The following NUDT9 variants were observed in gnomAD, a reference collection of about 807,000 sequenced individuals.
NUDT9 encodes nudix hydrolase 9, also known as ADP-ribose pyrophosphatase.
In NUDT9, 31 loss-of-function variants were observed where a neutral mutation model predicts 41.0. That is an observed-to-expected ratio of 0.76 (90% CI 0.57 to 1.02). The LOEUF (loss-of-function observed/expected upper bound fraction) is 1.02. NUDT9 is among the 50% of genes least tolerant of loss of function. NUDT9 has a pLI of 0.00. For missense variants in NUDT9, 380 were observed against 431.4 expected (o/e 0.88, Z 1.06); for synonymous variants, 146 against 147.6 (o/e 0.99, Z 0.08).
At chr4:87,443,213 G>T (rs1722290196) in intron 4 of NUDT9, among the ~76,000 whole-genome samples, 1 of 152,008 alleles carries the variant, frequency 6.6e-6, no homozygotes, top group Non-Finnish European at 1.5e-5. Flanking sequence ...TATGTGGTCT[G>T]TTATTGACCA....
chr4:87,427,154 A>G (rs1231697633), intron 1 of NUDT9, among the ~76,000 whole-genome samples: 1 of 149,564 alleles, frequency 6.7e-6, no homozygotes, highest in Non-Finnish European at 1.5e-5. Context: ...AAAAAAAAGT[A>G]CCTGAACTCA....
intron 3 of NUDT9, among the ~76,000 whole-genome samples, chr4:87,438,867 T>A (rs1002674694): frequency 7.2e-5 from 11 of 152,184 alleles, no homozygotes; most frequent in Non-Finnish European, 1.3e-4. Context: ...GTTCTCACAG[T>A]GCTATACAGA....
rs545313748 is a variant in NUDT9, at chr4:87,458,344, A to G, written c.*323A>G. Reference sequence around the variant, plus strand: ...AATAAAGATAAATTCTTGATCAGCTATAACTTCTGTTTCATCTAGTTCTTG... The same window carrying G: ...AATAAAGATAAATTCTTGATCAGCTGTAACTTCTGTTTCATCTAGTTCTTG... On this transcript the variant is annotated 3_prime_UTR_variant, in exon 8 of 8. Coordinates refer to ENST00000302174, the MANE Select transcript of NUDT9 (RefSeq NM_024047.5). 1.6e-5 allele frequency: 3 copies of G among 183,480 alleles called. No individual in the cohort carries two copies. The highest frequency in any genetic ancestry group is 4.7e-5 in the African/African-American group (2 of 42,690). 11.4% of individuals were successfully genotyped at this position (183,480 alleles called of 1,614,324 possible).
At chr4:87,440,710 G>A (rs1023000672) in intron 3 of NUDT9, among the ~76,000 whole-genome samples, 2 of 152,100 alleles carry the variant, frequency 1.3e-5, no homozygotes. Flanking sequence ...GCTGGGCGTG[G>A]TGGTGCATGC....
chr4:87,444,787 T>C (rs1462918460), intron 4 of NUDT9, among the ~76,000 whole-genome samples: 1 of 152,178 alleles, frequency 6.6e-6, no homozygotes, highest in Non-Finnish European at 1.5e-5. Flanking sequence ...TTTTTTAGCT[T>C]AACTTTGTCA....
intron 4 of NUDT9, among the ~76,000 whole-genome samples, chr4:87,442,566 T>A (rs1722249461): frequency 6.6e-6 from 1 of 152,236 alleles, no homozygotes; most frequent in Non-Finnish European, 1.5e-5. Flanking sequence ...CTTTATAAAC[T>A]TAAACATTTT....
chr4:87,446,235 T>C (rs1015596070), intron 4 of NUDT9, among the ~76,000 whole-genome samples: 21 of 148,040 alleles, frequency 1.4e-4, no homozygotes, highest in Admixed American at 1.1e-3. Context: ...ACCATTTGCC[T>C]TCTTATCTTT....
At chr4:87,432,670 G>A (rs1721737742) in intron 1 of NUDT9, among the ~76,000 whole-genome samples, 1 of 151,904 alleles carries the variant, frequency 6.6e-6, no homozygotes, top group Non-Finnish European at 1.5e-5. Flanking sequence ...TTATGTTGAG[G>A]TAATTTCCTT....
chr4:87,432,835 T>C (rs1227296689), intron 1 of NUDT9, among the ~76,000 whole-genome samples: 4 of 152,194 alleles, frequency 2.6e-5, no homozygotes, highest in Non-Finnish European at 4.4e-5. Context: ...AGAACCATCA[T>C]TGGATTCCAA....
chr4:87,450,380 T>TTTTC (rs1233876370), intron 5 of NUDT9, among the ~76,000 whole-genome samples: 1 of 42,678 alleles, frequency 2.3e-5, no homozygotes, highest in African/African-American at 8.1e-5. Context: ...TTCTTTTTCT[T>TTTTC]TTTTTTTTTT....
At chr4:87,449,587 A>G (rs1273426851) in intron 5 of NUDT9, among the ~76,000 whole-genome samples, 1 of 152,148 alleles carries the variant, frequency 6.6e-6, no homozygotes, top group Non-Finnish European at 1.5e-5. Flanking sequence ...TCTACTTCAC[A>G]GGATTATTAG....
At position 87,459,235 on chromosome 4, in the gene NUDT9, A is replaced by G. The variant is rs1723111592; in HGVS notation, c.*1214A>G. 6.6e-6 allele frequency: 1 copy of G among 152,244 alleles called. No individual in the cohort carries two copies. The highest frequency in any genetic ancestry group is 6.5e-5 in the Admixed American group (1 of 15,286). The allele number at this position is 152,244 out of a possible 1,614,324, so 9.4% of individuals were successfully genotyped here. ...ATGTTCTCTTATAAGTGAGAGCTAAATGGTGAGAACACATGGACATGGGAA... is the reference window on the plus strand; with the variant it reads ...ATGTTCTCTTATAAGTGAGAGCTAAGTGGTGAGAACACATGGACATGGGAA... On this transcript the variant is annotated 3_prime_UTR_variant, in exon 8 of 8. Transcript: ENST00000302174.
At chr4:87,429,931 A>G (rs1000707686) in intron 1 of NUDT9, among the ~76,000 whole-genome samples, 1 of 152,182 alleles carries the variant, frequency 6.6e-6, no homozygotes, top group Non-Finnish European at 1.5e-5. Context: ...TGGTAAGCAG[A>G]ATAATGGCCC....
In NUDT9 at chr4:87,449,207, T is replaced by C. The variant is rs758583515; in HGVS notation, c.596T>C (p.Phe199Ser). 3.7e-6 allele frequency: 6 copies of C among 1,611,440 alleles called. No individual in the cohort carries two copies. In the African/African-American group the frequency reaches 8.0e-5, roughly 22 times the overall value. The change falls in exon 5 of 8, where the codon TTT (phenylalanine) becomes TCT (serine). Residue 199 changes from phenylalanine (F) to serine (S), a missense_variant. Transcript: ENST00000302174. ...HPVSGKHILQ[F>S]VAIKRKDCGE... is the part of the protein sequence containing the mutation. ...GTTTCTGGGAAGCATATCTTACAAT[T>C]TGTTGCAATAAAAAGGAAAGACTGT... is the stretch of plus-strand genomic sequence containing the variant.
chr4:87,427,657 TC>T (rs1560786585), intron 1 of NUDT9, among the ~76,000 whole-genome samples: 1 of 152,200 alleles, frequency 6.6e-6, no homozygotes, highest in Non-Finnish European at 1.5e-5. Flanking sequence ...TATTGCTAAA[TC>T]AGGGAACAAA....
At chr4:87,434,885 C>T in intron 1 of NUDT9, 96 bp from the exon 2 acceptor site, 1 of 1,085,978 alleles carries the variant, frequency 9.2e-7, no homozygotes, top group Non-Finnish European at 1.3e-6. Context: ...TCACAAAGTG[C>T]TGGGATTACA....
chr4:87,454,919 A>T (rs1722920923), intron 7 of NUDT9, among the ~76,000 whole-genome samples: 1 of 152,238 alleles, frequency 6.6e-6, no homozygotes, highest in South Asian at 2.1e-4. Context: ...AAAAAATTTT[A>T]AATGAATGCT....
Position 87,422,854 on chromosome 4 carries a change from G to T in NUDT9, c.-52G>T. The T allele has an allele frequency of 7.0e-7, 1 of 1,430,946 alleles. No individual in the cohort carries two copies. Among genetic ancestry groups the T allele is most frequent in the Non-Finnish European group, 9.7e-7 (1 of 1,032,746 alleles). The allele number at this position is 1,430,946 out of a possible 1,614,324, so 88.6% of individuals were successfully genotyped here. The stretch of plus-strand genomic sequence containing the variant: ...CGGAGCTGTGGGGTGTGGGGAGGCG[G>T]AGGCACCAACTAAGAGCGACCTAGC... On this transcript the variant is annotated 5_prime_UTR_variant, in exon 1 of 8. Transcript: ENST00000302174.
In NUDT9 at chr4:87,435,026, G is replaced by A. The variant is rs766908674; in HGVS notation, c.153G>A (p.Met51Ile). The A allele has an allele frequency of 1.2e-6, 2 of 1,613,850 alleles. No individual in the cohort carries two copies. Among genetic ancestry groups the A allele is most frequent in the Non-Finnish European group, 1.7e-6 (2 of 1,179,836 alleles). ...GGTTTCATCTTAATACCAACGTCAT[G>A]TCTGGTTCTAATGGTTCCAAAGAAA... ...SSWFHLNTNV[M>I]SGSNGSKENS... The change falls in exon 2 of 8, where the codon ATG becomes ATA. Residue 51 changes from methionine (M) to isoleucine (I), a missense_variant. Transcript: ENST00000302174.
Sources: gnomAD v4.1 joint callset for allele counts (sites outside exome capture counted in the v4.1 genomes callset) on GRCh38, gnomAD v4.1.1 for gene constraint, MANE v1.5 for transcripts, NCBI Gene and HGNC (gene_info 2026-07-23, HGNC 2026-07-21) for gene names.